TIMMDC1: variants seen among roughly 807,000 people sequenced by gnomAD.
The protein encoded by TIMMDC1 is complex I assembly factor TIMMDC1, mitochondrial.
TIMMDC1 carries 25 observed loss-of-function variants against 32.6 expected under a neutral mutation model. The ratio of observed to expected loss-of-function variants is 0.77; its 90% CI spans 0.56 to 1.07. TIMMDC1 has a LOEUF of 1.07. TIMMDC1 is among the 50% of genes least tolerant of loss of function. The pLI, the probability that TIMMDC1 is intolerant of heterozygous loss-of-function variation, is 0.00. For synonymous variants in TIMMDC1, 130 were observed against 127.6 expected (o/e 1.02, Z -0.13); for missense variants, 329 against 349.2 (o/e 0.94, Z 0.46).
chr3:119,499,027 G>C, intron 1 of TIMMDC1, 100 bp downstream of exon 1: 2 of 903,064 alleles, frequency 2.2e-6, no homozygotes, highest in Middle Eastern at 2.7e-4. Context: ...AGGATGGTGT[G>C]CTTCATTTTT....
At position 119,507,146 on chromosome 3, in the gene TIMMDC1, C is replaced by T. The variant is rs193214283; in HGVS notation, c.517+3125C>T. On this transcript the variant is annotated intron_variant, in intron 4 of 6. Coordinates refer to ENST00000494664, the MANE Select transcript of TIMMDC1 (RefSeq NM_016589.4). ...GAACATTTACTGTGCTTGGTGTTTT[C>T]TGAACTTTCTGGATCTGTGGTTTGT... 4.6e-4 allele frequency among the ~76,000 whole-genome samples: 70 copies of T among 152,238 alleles called. No homozygotes were observed. The East Asian group carries it at 9.6e-3, about 21-fold the overall frequency.
At chr3:119,508,220 C>T (rs927227180) in intron 4 of TIMMDC1, among the ~76,000 whole-genome samples, 8 of 152,270 alleles carry the variant, frequency 5.3e-5, no homozygotes, top group Middle Eastern at 6.8e-3. Context: ...ATGATTGGCT[C>T]CCCTACAGTT....
chr3:119,521,880 G>T (rs1342769039), intron 6 of TIMMDC1, among the ~76,000 whole-genome samples: 1 of 152,134 alleles, frequency 6.6e-6, no homozygotes, highest in African/African-American at 2.4e-5. Context: ...ATCCCAATTA[G>T]AATGTCTATT....
intron 6 of TIMMDC1, among the ~76,000 whole-genome samples, chr3:119,520,230 A>T (rs745629027): frequency 6.6e-6 from 1 of 152,094 alleles, no homozygotes; most frequent in African/African-American, 2.4e-5. Context: ...TAAACCCAAA[A>T]TCAGAAGGAA....
chr3:119,499,092 C>CTTTTTTT, intron 1 of TIMMDC1, 165 bp downstream of exon 1: 1 of 402,056 alleles, frequency 2.5e-6, no homozygotes, highest in Admixed American at 4.5e-5. Context: ...TTTTTTCTTT[C>CTTTTTTT]TTTTTTTTTT....
chr3:119,513,069 C>T (rs1225954370), intron 4 of TIMMDC1, among the ~76,000 whole-genome samples: 4 of 152,142 alleles, frequency 2.6e-5, no homozygotes, highest in Non-Finnish European at 5.9e-5. Context: ...AAAGTGTTAC[C>T]ACCTTAGATG....
At position 119,516,746 on chromosome 3, in the gene TIMMDC1, C is replaced by G. The variant is rs146120266; in HGVS notation, c.597-459C>G. On this transcript the variant is annotated intron_variant, in intron 5 of 6. Coordinates refer to ENST00000494664, the MANE Select transcript of TIMMDC1 (RefSeq NM_016589.4). ...TCAGGATATTTTGGTGGTCCCACCC[C>G]CAAAAGCCAGTAGCATCCCTCCCTC... Among the ~76,000 whole-genome samples the G allele has an allele frequency of 7.6e-4, 115 of 152,274 alleles. No homozygotes were observed. The East Asian group carries it at 0.019, about 25-fold the overall frequency.
chr3:119,500,529 A>T (rs1577094589), intron 1 of TIMMDC1, 166 bp from the exon 2 acceptor site: 1 of 593,130 alleles, frequency 1.7e-6, no homozygotes, highest in Non-Finnish European at 2.8e-6. Context: ...TTTGTCTGAG[A>T]CTACGTTCCT....
chr3:119,498,902 C>T lies in TIMMDC1; in HGVS notation c.169C>T (p.Arg57Cys), dbSNP rs1308943683. 2 of 1,613,884 alleles carry T rather than the reference C, an allele frequency of 1.2e-6. No homozygotes were observed. Among genetic ancestry groups the T allele is most frequent in the African/African-American group, 2.7e-5 (2 of 75,024 alleles). ...EPYYPESGWD[R>C]LRELFGKDEQ... ...CTATTACCCGGAATCTGGATGGGAC[C>T]GCCTCCGGGAGCTGTTTGGCAAAGA... The change falls in exon 1 of 7, where the codon CGC becomes TGC. Residue 57 changes from arginine (R) to cysteine (C), a missense_variant. Arg to Cys is a radical substitution (Grantham distance 180). Coordinates refer to ENST00000494664, the MANE Select transcript of TIMMDC1 (RefSeq NM_016589.4).
chr3:119,516,737 G>A (rs575945593), intron 5 of TIMMDC1, among the ~76,000 whole-genome samples: 1 of 152,168 alleles, frequency 6.6e-6, no homozygotes, highest in East Asian at 1.9e-4. Flanking sequence ...TATTTTGGTG[G>A]TCCCACCCCC....
In TIMMDC1 at chr3:119,523,834, CTTTGGTCAGCCTGCTGACAAATT is replaced by C. The variant is rs1427288359; in HGVS notation, c.*80_*102del. 8.0e-6 allele frequency: 11 copies of C among 1,383,306 alleles called. No homozygotes were observed. In the Admixed American group the frequency reaches 1.6e-4, roughly 20 times the overall value. 85.7% of individuals were successfully genotyped at this position (1,383,306 alleles called of 1,614,324 possible). On this transcript the variant is annotated 3_prime_UTR_variant, in exon 7 of 7. Coordinates refer to ENST00000494664, the MANE Select transcript of TIMMDC1 (RefSeq NM_016589.4). ...GATGAATGCCAACAGACAGGCCACT[CTTTGGTCAGCCTGCTGACAAATT>C]TAAGTGCTGGTACCTGTGGTGGCAG...
intron 1 of TIMMDC1, among the ~76,000 whole-genome samples, chr3:119,500,136 A>AT (rs1356079626): frequency 1.3e-5 from 2 of 152,144 alleles, no homozygotes; most frequent in East Asian, 1.9e-4. Flanking sequence ...TAGAATTTAG[A>AT]TTTTTTGTCT....
At position 119,498,585 on chromosome 3, in the gene TIMMDC1, G is replaced by C; in HGVS notation, c.-149G>C. ...GGACTCCAAAGCGAGGCCGGGGACT[G>C]AAGGTGTGGGTGTCGAGCCCTCTGG... On this transcript the variant is annotated 5_prime_UTR_variant, in exon 1 of 7. Coordinates refer to ENST00000494664, the MANE Select transcript of TIMMDC1 (RefSeq NM_016589.4). 1.4e-6 allele frequency: 1 copy of C among 713,426 alleles called. No homozygotes were observed. The highest frequency in any genetic ancestry group is 2.3e-6 in the Non-Finnish European group (1 of 425,552). 44.2% of individuals were successfully genotyped at this position (713,426 alleles called of 1,614,324 possible).
At chr3:119,514,089 C>T (rs181694517) in intron 5 of TIMMDC1, among the ~76,000 whole-genome samples, 132 of 152,040 alleles carry the variant, frequency 8.7e-4, no homozygotes, top group African/African-American at 3.1e-3. Flanking sequence ...GAAAAAAGAA[C>T]AAAAAACAGT....
intron 4 of TIMMDC1, among the ~76,000 whole-genome samples, chr3:119,508,993 G>T (rs1425424587): frequency 6.6e-6 from 1 of 152,118 alleles, no homozygotes; most frequent in African/African-American, 2.4e-5. Flanking sequence ...ATCTCTTGAG[G>T]TTGGGAGTTT....
chr3:119,503,506 C>A, intron 2 of TIMMDC1, 26 bp from the exon 3 acceptor site: 6 of 1,560,900 alleles, frequency 3.8e-6, no homozygotes, highest in Non-Finnish European at 5.2e-6. Flanking sequence ...TGTCTTAGAA[C>A]CTCACAGTTT....
chr3:119,505,702 A>G (rs1306945108), intron 4 of TIMMDC1, among the ~76,000 whole-genome samples: 2 of 152,302 alleles, frequency 1.3e-5, no homozygotes, highest in East Asian at 3.9e-4. Flanking sequence ...TTTTGGGAAT[A>G]AGCTTACAAA....
chr3:119,503,713 C>T, intron 3 of TIMMDC1, 93 bp downstream of exon 3: 1 of 1,022,288 alleles, frequency 9.8e-7, no homozygotes, highest in Non-Finnish European at 1.4e-6. Context: ...AAACTGAATA[C>T]CCACATGAAA....
chr3:119,515,940 G>A (rs749278589), intron 5 of TIMMDC1, among the ~76,000 whole-genome samples: 1 of 152,142 alleles, frequency 6.6e-6, no homozygotes, highest in Non-Finnish European at 1.5e-5. Context: ...GAAGGAGAAG[G>A]TAATGCTATA....
Sources: allele counts gnomAD v4.1 joint callset (sites outside exome capture counted in the v4.1 genomes callset), GRCh38; gene constraint gnomAD v4.1.1; transcripts MANE v1.5; gene names NCBI Gene and HGNC (gene_info 2026-07-23, HGNC 2026-07-21).